Variants in KCNJ13 observed in about 807,000 individuals in gnomAD.
KCNJ13 encodes inward rectifier potassium channel 13.
A neutral mutation model predicts 24.6 loss-of-function variants in KCNJ13; 9 were observed. The observed-to-expected ratio is 0.37, with a 90% CI of 0.22 to 0.64. The LOEUF is 0.64. KCNJ13 is among the 30% of genes least tolerant of loss of function. KCNJ13 has a pLI of 0.64. For synonymous variants in KCNJ13, 148 were observed against 154.7 expected (o/e 0.96, Z 0.32); for missense variants, 337 against 443.8 (o/e 0.76, Z 2.16).
rs1455158709 is a variant in KCNJ13 at position 232,766,049 on chromosome 2, C to T, written c.*2142G>A. ...CTCCCAGTAATTTCCGCCCTTTTTC[C>T]ATTGTTACTTCCTTTTCCTCAGAGG... On this transcript the variant is annotated 3_prime_UTR_variant, in exon 3 of 3. Coordinates refer to ENST00000233826, the MANE Select transcript of KCNJ13 (RefSeq NM_002242.4). The T allele has an allele frequency of 2.1e-6, 1 of 470,754 alleles. No individual in the cohort carries two copies. The allele number at this position is 470,754 out of a possible 1,614,324, so 29.2% of individuals were successfully genotyped here.
chr2:232,770,840 A>G, intron 2 of KCNJ13, 63 bp downstream of exon 2: 1 of 1,137,540 alleles, frequency 8.8e-7, no homozygotes. Flanking sequence ...CTTTCCAAAC[A>G]CCTGTAGTTT....
At position 232,776,548 on chromosome 2, in the gene KCNJ13, A is replaced by T; in HGVS notation, c.-120T>A. The T allele has an allele frequency of 1.1e-6, 1 of 872,602 alleles. No individual in the cohort carries two copies. Among genetic ancestry groups the T allele is most frequent in the African/African-American group, 1.7e-5 (1 of 60,476 alleles). The allele number at this position is 872,602 out of a possible 1,614,324, so 54.1% of individuals were successfully genotyped here. ...ATTTTAATCTACAAGTCTAGTTTGT[A>T]GGTTCTCTTCTTGGACTGGTTTTAC... On this transcript the variant is annotated 5_prime_UTR_variant, in exon 1 of 3. Transcript: ENST00000233826.
At chr2:232,775,508 A>T (rs918960825) in intron 1 of KCNJ13, among the ~76,000 whole-genome samples, 2 of 152,158 alleles carry the variant, frequency 1.3e-5, no homozygotes, top group African/African-American at 4.8e-5. Flanking sequence ...TACTATTGTT[A>T]CCTGATATTT....
intron 1 of KCNJ13, among the ~76,000 whole-genome samples, chr2:232,772,319 C>T (rs1490972878): frequency 6.6e-6 from 1 of 152,088 alleles, no homozygotes; most frequent in Non-Finnish European, 1.5e-5. Flanking sequence ...TTTGCATATT[C>T]TAGGCTCTGA....
At chr2:232,773,875 C>T (rs1699388734) in intron 1 of KCNJ13, among the ~76,000 whole-genome samples, 1 of 143,042 alleles carries the variant, frequency 7.0e-6, no homozygotes, top group Admixed American at 7.2e-5. Flanking sequence ...AGTTAGAGAC[C>T]AGCCTAGGCA....
chr2:232,776,370 G>A (rs1422898842), intron 1 of KCNJ13, 75 bp downstream of exon 1: 4 of 1,069,426 alleles, frequency 3.7e-6, no homozygotes, highest in Non-Finnish European at 5.7e-6. Context: ...ATCTAGCTCT[G>A]TTGCTATTTG....
At position 232,771,381 on chromosome 2, in the gene KCNJ13, A is replaced by G; in HGVS notation, c.-16-3T>C. ...TGTCCATCTCAGGCTGTATTTCTCT[A>G]AAATCAAGAGTAAATTAGTAAGCTC... On this transcript the variant is annotated splice_region_variant and splice_polypyrimidine_tract_variant and intron_variant, in intron 1 of 2. Transcript: ENST00000233826. The G allele has an allele frequency of 3.2e-6, 5 of 1,562,318 alleles. No individual in the cohort carries two copies. The highest frequency in any genetic ancestry group is 4.4e-6 in the Non-Finnish European group (5 of 1,134,200).
chr2:232,770,774 T>C (rs1699209475), intron 2 of KCNJ13, 129 bp downstream of exon 2: 3 of 687,724 alleles, frequency 4.4e-6, no homozygotes, highest in Non-Finnish European at 7.4e-6. Flanking sequence ...AGACATTACC[T>C]GCTATCAATA....
In KCNJ13 at chr2:232,768,097, T is replaced by G. The variant is rs570138880; in HGVS notation, c.*94A>C. On this transcript the variant is annotated 3_prime_UTR_variant, in exon 3 of 3. Coordinates refer to ENST00000233826, the MANE Select transcript of KCNJ13 (RefSeq NM_002242.4). ...ATTACCGTGATGTAGAGAGCTATAA[T>G]TAGCATTGAAAAAAGAAAACATGAG... 4 of 1,245,464 alleles carry G rather than the reference T, an allele frequency of 3.2e-6. No homozygotes were observed. The East Asian group carries it at 7.0e-5, about 22-fold the overall frequency. 77.2% of individuals were successfully genotyped at this position (1,245,464 alleles called of 1,614,324 possible).
intron 1 of KCNJ13, among the ~76,000 whole-genome samples, chr2:232,776,066 ATTC>A (rs1699499027): frequency 6.8e-6 from 1 of 147,704 alleles, no homozygotes; most frequent in African/African-American, 2.5e-5. Context: ...AAAGTGGCTT[ATTC>A]TTTTGGCATT....
At chr2:232,773,284 C>T (rs1397307174) in intron 1 of KCNJ13, among the ~76,000 whole-genome samples, 1 of 152,182 alleles carries the variant, frequency 6.6e-6, no homozygotes, top group African/African-American at 2.4e-5. Context: ...TTCATAGGCA[C>T]TGTGATAACT....
At chr2:232,769,236 T>C (rs1699115410) in intron 2 of KCNJ13, among the ~76,000 whole-genome samples, 2 of 152,070 alleles carry the variant, frequency 1.3e-5, no homozygotes, top group Admixed American at 1.3e-4. Flanking sequence ...ACCAATAGAA[T>C]GAGTGATATT....
In KCNJ13 at chr2:232,771,034, A is replaced by C; in HGVS notation, c.329T>G (p.Phe110Cys). The change falls in exon 2 of 3, where the codon TTC becomes TGC. Residue 110 changes from phenylalanine to cysteine, a missense_variant. Physicochemically the swap from Phe to Cys is radical, Grantham distance 205 (BLOSUM62 -2). Coordinates refer to ENST00000233826, the MANE Select transcript of KCNJ13 (RefSeq NM_002242.4). The part of the protein sequence containing the change: ...VKYITSFTAA[F>C]SFSLETQLTI... ...GAGTTGTGTCTCCAGGGAGAAGGAGAATGCAGCTGTGAAACTGGTGATATA... is the reference window on the plus strand; with the variant it reads ...GAGTTGTGTCTCCAGGGAGAAGGAGCATGCAGCTGTGAAACTGGTGATATA... 1 of 1,614,092 alleles carries C rather than the reference A, an allele frequency of 6.2e-7. No individual in the cohort carries two copies. Among genetic ancestry groups the C allele is most frequent in the Non-Finnish European group, 8.5e-7 (1 of 1,179,990 alleles).
intron 1 of KCNJ13, among the ~76,000 whole-genome samples, chr2:232,775,986 A>G (rs1292198295): frequency 6.6e-6 from 1 of 152,204 alleles, no homozygotes; most frequent in African/African-American, 2.4e-5. Context: ...AATTTCCGCA[A>G]TAATTCCATG....
At position 232,771,487 on chromosome 2, in the gene KCNJ13, A is replaced by G. The variant is rs1699243342; in HGVS notation, c.-16-109T>C. On this transcript the variant is annotated intron_variant, in intron 1 of 2. Transcript: ENST00000233826. ...TTCTTGGGAATGCTTCTCTAACCAC[A>G]ACTTTGCCAACTCTCTCGCTTTTCT... 9 of 636,048 alleles carry G rather than the reference A, an allele frequency of 1.4e-5. No homozygotes were observed. The East Asian group carries it at 2.2e-4, about 16-fold the overall frequency. 39.4% of individuals were successfully genotyped at this position (636,048 alleles called of 1,614,324 possible). A position where few individuals can be genotyped will look rare whatever the true frequency, so the allele number is the denominator to read the frequency against.
rs559919207 is a variant in KCNJ13, at chr2:232,774,053, G to T, written c.-17+2392C>A. 1.1e-4 allele frequency among the ~76,000 whole-genome samples: 17 copies of T among 151,854 alleles called. No homozygotes were observed. In the East Asian group the frequency reaches 3.1e-3, roughly 28 times the overall value. The stretch of plus-strand genomic sequence containing the variant: ...CACTAGCACTTTGGGACGTTGAGTC[G>T]GGAGGATTGCTTGAGGTCGGGAATT... On this transcript the variant is annotated intron_variant, in intron 1 of 2. Coordinates refer to ENST00000233826, the MANE Select transcript of KCNJ13 (RefSeq NM_002242.4).
intron 2 of KCNJ13, among the ~76,000 whole-genome samples, chr2:232,769,848 T>G (rs550857227): frequency 3.2e-4 from 49 of 152,334 alleles, no homozygotes; most frequent in African/African-American, 1.1e-3. Context: ...GTACTATATG[T>G]GCCTTACTGA....
At position 232,768,647 on chromosome 2, in the gene KCNJ13, A is replaced by T. The variant is rs1406003973; in HGVS notation, c.627T>A (p.Tyr209Ter). 6.2e-7 allele frequency: 1 copy of T among 1,613,974 alleles called. No individual in the cohort carries two copies. Among genetic ancestry groups the T allele is most frequent in the African/African-American group, 1.3e-5 (1 of 74,904 alleles). ...AGAGTTTGCCATTTTCTCTTTCCTG[A>T]TAGAGTACAGCTGAGACCCGGACAC... The part of the protein sequence containing the change: ...LTSVRVSAVL[Y>*]QERENGKLYQ... The change falls in exon 3 of 3, where the codon TAT (tyrosine) becomes TAA (stop). Residue 209 changes from tyrosine (Y) to a stop codon, truncating the protein, a stop_gained. Transcript: ENST00000233826. LOFTEE classifies it high-confidence loss of function.
chr2:232,770,608 ATT>A (rs60972218), intron 2 of KCNJ13, among the ~76,000 whole-genome samples: 117 of 149,916 alleles, frequency 7.8e-4, no homozygotes, highest in African/African-American at 1.3e-3. Context: ...CCTTTTGTTA[ATT>A]TTTTTTTTTT....
Sources: gnomAD v4.1 joint callset for allele counts (sites outside exome capture counted in the v4.1 genomes callset) on GRCh38, gnomAD v4.1.1 for gene constraint, MANE v1.5 for transcripts, NCBI Gene and HGNC (gene_info 2026-07-23, HGNC 2026-07-21) for gene names.